Variants in VPS11 observed in about 807,000 individuals in gnomAD.
The protein encoded by VPS11 is vacuolar protein sorting-associated protein 11 homolog.
In VPS11, 51 loss-of-function variants were observed where a neutral mutation model predicts 106.8. That is an observed-to-expected ratio of 0.48 (90% CI 0.38 to 0.60). The LOEUF (loss-of-function observed/expected upper bound fraction) is 0.60, where lower values mean the gene tolerates loss of function less well. Among genes scored for constraint, VPS11 ranks in the 20% least tolerant of loss-of-function variants. The probability of loss-of-function intolerance (pLI) is 0.00; values close to 1 mark genes in which losing one functional copy is unlikely to be tolerated. For missense variants in VPS11, 950 were observed against 1,190.0 expected (o/e 0.80, Z 2.97); for synonymous variants, 453 against 458.7 (o/e 0.99, Z 0.16).
At chr11:119,079,388 A>T (rs1051968691) in intron 14 of VPS11, 88 bp downstream of exon 14, 1 of 1,410,850 alleles carries the variant, frequency 7.1e-7, no homozygotes. Flanking sequence ...CGTAGAGGAT[A>T]CTATGGAGTG....
At position 119,069,210 on chromosome 11, in the gene VPS11, A is replaced by C. The variant is rs1945272138; in HGVS notation, c.202A>C (p.Ile68Leu). The C allele has an allele frequency of 1.2e-6, 2 of 1,613,828 alleles. No homozygotes were observed. Among genetic ancestry groups the C allele is most frequent in the Non-Finnish European group, 1.7e-6 (2 of 1,179,894 alleles). Residue 68 changes from isoleucine (I) to leucine (L), a missense_variant, in exon 2 of 16, where the codon ATC becomes CTC. Around this residue, in one of 3 missense-constraint regions of VPS11, gnomAD observed 435 missense variants for 630.2 expected, o/e 0.69. Transcript: ENST00000621676. ...SLVFGDMEGQ[I>L]WFLPRSLQLT... ...CTACCCTGCACATATGGAAGGCCAG[A>C]TCTGGTTCTTGCCACGTTCCCTACA...
chr11:119,071,385 T>C (rs2134753433), intron 4 of VPS11, among the ~76,000 whole-genome samples: 1 of 152,244 alleles, frequency 6.6e-6, no homozygotes, highest in South Asian at 2.1e-4. Flanking sequence ...CTGTACTAGA[T>C]AGTGATAATA....
In VPS11 at chr11:119,081,765, G is replaced by A. The variant is rs1052043505; in HGVS notation, c.*142G>A. On this transcript the variant is annotated 3_prime_UTR_variant, in exon 16 of 16. Coordinates refer to ENST00000621676, the MANE Select transcript of VPS11 (RefSeq NM_021729.6). ...ATGTCACAGCCCTCAGAACTAAAGC[G>A]GACTTTCTTTCCCTGCCTTCTTATT... The A allele has an allele frequency of 1.1e-5, 13 of 1,159,476 alleles. No homozygotes were observed. The highest frequency in any genetic ancestry group is 6.5e-5 in the South Asian group (4 of 61,896). 71.8% of individuals were successfully genotyped at this position (1,159,476 alleles called of 1,614,324 possible).
At position 119,073,160 on chromosome 11, in the gene VPS11, G is replaced by A. The variant is rs1484985403; in HGVS notation, c.885-38G>A. On this transcript the variant is annotated intron_variant, in intron 5 of 15. Coordinates refer to ENST00000621676, the MANE Select transcript of VPS11 (RefSeq NM_021729.6). ...AAGGAAATAGGGGAGATAAGACAGA[G>A]ATGTCCAAACATCTGGTGCTTTTTC... 6 of 1,581,998 alleles carry A rather than the reference G, an allele frequency of 3.8e-6. No individual in the cohort carries two copies. In the Admixed American group the frequency reaches 1.1e-4, roughly 29 times the overall value.
intron 7 of VPS11, 88 bp downstream of exon 7, chr11:119,074,039 C>A: frequency 1.4e-6 from 2 of 1,414,814 alleles, no homozygotes; most frequent in Admixed American, 2.4e-5. Context: ...CAGGTAGGGG[C>A]TAGAATTCTA....
chr11:119,077,548 G>T lies in VPS11; in HGVS notation c.1473G>T (p.Lys491Asn), dbSNP rs1202377168. 1.2e-6 allele frequency: 2 copies of T among 1,613,916 alleles called. No individual in the cohort carries two copies. The highest frequency in any genetic ancestry group is 1.3e-5 in the African/African-American group (1 of 74,948). The change falls in exon 9 of 16, where the codon AAG becomes AAT. Residue 491 changes from lysine (K) to asparagine (N), a missense_variant. By Grantham distance (94) the Lys-to-Asn change is moderately conservative (BLOSUM62 0). Coordinates refer to ENST00000621676, the MANE Select transcript of VPS11 (RefSeq NM_021729.6). ...ACTTTGATGTGGAGACAGCCATCAAGGTCCTCCGGCAGGCTGGCTACTACT... is the reference window on the plus strand; with the variant it reads ...ACTTTGATGTGGAGACAGCCATCAATGTCCTCCGGCAGGCTGGCTACTACT... ...EVHFDVETAI[K>N]VLRQAGYYSH...
intron 7 of VPS11, 87 bp downstream of exon 7, chr11:119,074,038 G>A: frequency 7.0e-7 from 1 of 1,430,198 alleles, no homozygotes; most frequent in South Asian, 1.4e-5. Context: ...CCAGGTAGGG[G>A]CTAGAATTCT....
intron 6 of VPS11, 56 bp from the exon 7 acceptor site, chr11:119,073,744 G>C: frequency 1.3e-6 from 2 of 1,572,204 alleles, no homozygotes; most frequent in Non-Finnish European, 1.7e-6. Flanking sequence ...CACATTTTGG[G>C]AAAGTGTCTT....
chr11:119,075,415 A>T (rs948768416), intron 7 of VPS11, among the ~76,000 whole-genome samples: 48 of 151,478 alleles, frequency 3.2e-4, no homozygotes, highest in African/African-American at 7.8e-4. Flanking sequence ...AATAAAATTT[A>T]AAAATATGGC....
chr11:119,074,989 G>A (rs782530610), intron 7 of VPS11, among the ~76,000 whole-genome samples: 2 of 152,264 alleles, frequency 1.3e-5, no homozygotes, highest in East Asian at 1.9e-4. Flanking sequence ...TAAGGTGGCC[G>A]GGCGCGGTAG....
Position 119,078,206 on chromosome 11 carries a change from A to G in VPS11, c.1795A>G (p.Asn599Asp). The change falls in exon 11 of 16, where the codon AAT (asparagine) becomes GAT (aspartate). Residue 599 changes from asparagine to aspartate, a missense_variant. By Grantham distance (23) the Asn-to-Asp change is conservative (BLOSUM62 1). Transcript: ENST00000621676. ...TGAGGAGTTCATCCCCATCTTTGCC[A>G]ATAACCCGCGAGAGCTGAAAGCCTT... ...NSEEFIPIFA[N>D]NPRELKAFLE... 1.2e-6 allele frequency: 2 copies of G among 1,613,652 alleles called. No homozygotes were observed. Among genetic ancestry groups the G allele is most frequent in the Admixed American group, 1.7e-5 (1 of 60,014 alleles).
In VPS11 at chr11:119,077,600, C is replaced by T. The variant is rs782238852; in HGVS notation, c.1525C>T (p.His509Tyr). The change falls in exon 9 of 16, where the codon CAT (histidine) becomes TAT (tyrosine). Residue 509 changes from histidine (H) to tyrosine (Y), a missense_variant. Around this residue, in one of 3 missense-constraint regions of VPS11, gnomAD observed 435 missense variants for 630.2 expected, o/e 0.69. Transcript: ENST00000621676. The part of the protein sequence containing the change: ...YSHALYLAEN[H>Y]AHHEWYLKIQ... ...CCATGCCCTGTATCTGGCGGAGAACCATGCACATCATGAGTGGTACCTGAA... is the reference window on the plus strand; with the variant it reads ...CCATGCCCTGTATCTGGCGGAGAACTATGCACATCATGAGTGGTACCTGAA... The T allele has an allele frequency of 1.2e-6, 2 of 1,612,756 alleles. No individual in the cohort carries two copies. The highest frequency in any genetic ancestry group is 2.2e-5 in the South Asian group (2 of 90,900).
chr11:119,074,549 T>G (rs1945526645), intron 7 of VPS11, among the ~76,000 whole-genome samples: 1 of 151,816 alleles, frequency 6.6e-6, no homozygotes, highest in Non-Finnish European at 1.5e-5. Flanking sequence ...GATTACAGGA[T>G]CATGCTGCCA....
chr11:119,073,277 G>T lies in VPS11; in HGVS notation c.964G>T (p.Ala322Ser). Residue 322 changes from alanine (A) to serine (S), a missense_variant, in exon 6 of 16, where the codon GCC (alanine) becomes TCC (serine). This residue lies in a region of VPS11 where 435 missense variants were observed against 630.2 expected (regional missense o/e 0.69). Coordinates refer to ENST00000621676, the MANE Select transcript of VPS11 (RefSeq NM_021729.6). Reference protein sequence around the residue: ...NIYDLCNKFIAYSTVFEDVVD... With the variant: ...NIYDLCNKFISYSTVFEDVVD... ...CTATGACCTGTGCAACAAGTTCATA[G>T]CCTATAGCACCGTCTTTGAGGATGT... 5 of 1,613,980 alleles carry T rather than the reference G, an allele frequency of 3.1e-6. No homozygotes were observed. Among genetic ancestry groups the T allele is most frequent in the Non-Finnish European group, 4.2e-6 (5 of 1,179,862 alleles).
intron 14 of VPS11, 66 bp from the exon 15 acceptor site, chr11:119,081,026 T>A (rs894656728): frequency 5.4e-5 from 79 of 1,467,312 alleles, no homozygotes; most frequent in Non-Finnish European, 6.7e-5. Flanking sequence ...CTGCCTTCTT[T>A]CTCATCCTTG....
chr11:119,069,318 G>A lies in VPS11; in HGVS notation c.310G>A (p.Glu104Lys), dbSNP rs1271059162. The part of the protein sequence containing the change: ...KQHNILASVG[E>K]DEEGINPLVK... ...GCACAATATTCTGGCATCTGTTGGA[G>A]AAGATGAAGAGGGCATCAACCCCTT... The change falls in exon 2 of 16, where the codon GAA becomes AAA. Residue 104 changes from glutamate to lysine, a missense_variant. By Grantham distance (56) the Glu-to-Lys change is moderately conservative. Transcript: ENST00000621676. 2.5e-6 allele frequency: 4 copies of A among 1,614,028 alleles called. No homozygotes were observed. The highest frequency in any genetic ancestry group is 3.4e-6 in the Non-Finnish European group (4 of 1,179,900).
chr11:119,081,841 TC>T lies in VPS11; in HGVS notation c.*219del. ...CACTAGCAGTGTAGATCATTCCAGA[TC>T]AGTGGGGGAGGGCACCTCAGCAACC... On this transcript the variant is annotated 3_prime_UTR_variant, in exon 16 of 16. Coordinates refer to ENST00000621676, the MANE Select transcript of VPS11 (RefSeq NM_021729.6). 1 of 623,126 alleles carries T rather than the reference TC, an allele frequency of 1.6e-6. No individual in the cohort carries two copies. The highest frequency in any genetic ancestry group is 2.7e-6 in the Non-Finnish European group (1 of 375,358). 38.6% of individuals were successfully genotyped at this position (623,126 alleles called of 1,614,324 possible).
At chr11:119,071,497 G>A in intron 4 of VPS11, 99 bp from the exon 5 acceptor site, 1 of 1,468,554 alleles carries the variant, frequency 6.8e-7, no homozygotes, top group Non-Finnish European at 9.2e-7. Context: ...AGAATGCCAA[G>A]AGGGAAAAAA....
chr11:119,068,380 A>C (rs1210517913), intron 1 of VPS11, among the ~76,000 whole-genome samples: 2 of 151,876 alleles, frequency 1.3e-5, no homozygotes, highest in Non-Finnish European at 2.9e-5. Context: ...CGAGGAGGTA[A>C]ATGAGCCTAG....
Sources: gnomAD v4.1 joint callset for allele counts (sites outside exome capture counted in the v4.1 genomes callset) on GRCh38, gnomAD v4.1.1 for gene constraint, gnomAD v4.1.1 regional missense constraint, MANE v1.5 for transcripts, NCBI Gene and HGNC (gene_info 2026-07-23, HGNC 2026-07-21) for gene names.